Variants in CDH10 observed in about 807,000 individuals in gnomAD.
The protein encoded by CDH10 is cadherin 10.
A neutral mutation model predicts 73.1 loss-of-function variants in CDH10; 30 were observed. The ratio of observed to expected loss-of-function variants is 0.41; its 90% confidence interval spans 0.31 to 0.56. CDH10 has a LOEUF of 0.56. Ranked by LOEUF, CDH10 falls within the 20% of genes least tolerant of loss-of-function variation. CDH10 has a pLI of 0.27. For missense variants in CDH10, 815 were observed against 973.7 expected, an observed-to-expected ratio of 0.84 and a Z score of 2.17; for synonymous variants, 345 against 348.2, an observed-to-expected ratio of 0.99 and a Z score of 0.10.
At chr5:24,547,400 A>T (rs1196946172) in intron 2 of CDH10, among the ~76,000 whole-genome samples, 4 of 152,230 alleles carry the variant, frequency 2.6e-5, no homozygotes, top group Non-Finnish European at 5.9e-5. Flanking sequence ...GATTACTGGC[A>T]GCTGCTTTTT....
At chr5:24,516,789 T>C (rs1478441802) in intron 5 of CDH10, among the ~76,000 whole-genome samples, 2 of 151,804 alleles carry the variant, frequency 1.3e-5, no homozygotes, top group African/African-American at 2.4e-5. Flanking sequence ...GTTCATCTTA[T>C]ATTTTTTGCG....
chr5:24,505,380 T>C (rs1202260314), intron 7 of CDH10, 132 bp from the exon 8 acceptor site: 10 of 732,148 alleles, frequency 1.4e-5, no homozygotes, highest in Non-Finnish European at 1.6e-5. Flanking sequence ...GGAATGTAGA[T>C]TGTTTGAATG....
At chr5:24,530,396 T>C (rs1019579901) in intron 5 of CDH10, among the ~76,000 whole-genome samples, 1 of 152,058 alleles carries the variant, frequency 6.6e-6, no homozygotes, top group Non-Finnish European at 1.5e-5. Flanking sequence ...ATGTAATCTT[T>C]TCATAGACCT....
At chr5:24,623,291 C>T (rs1172412875) in intron 1 of CDH10, among the ~76,000 whole-genome samples, 3 of 152,094 alleles carry the variant, frequency 2.0e-5, no homozygotes, top group Admixed American at 1.3e-4. Context: ...ACAATGCTAA[C>T]GACCACTTGA....
intron 1 of CDH10, among the ~76,000 whole-genome samples, chr5:24,600,713 G>T (rs1169856598): frequency 6.6e-6 from 1 of 152,126 alleles, no homozygotes; most frequent in Non-Finnish European, 1.5e-5. Context: ...TGCGTTTCAT[G>T]AATTGACATA....
At chr5:24,613,592 T>C (rs1259275437) in intron 1 of CDH10, among the ~76,000 whole-genome samples, 2 of 150,828 alleles carry the variant, frequency 1.3e-5, no homozygotes, top group Non-Finnish European at 2.9e-5. Context: ...TCCTTGGAAG[T>C]ATTTGGGGCA....
At chr5:24,502,318 T>C (rs189826906) in intron 8 of CDH10, among the ~76,000 whole-genome samples, 2 of 152,304 alleles carry the variant, frequency 1.3e-5, no homozygotes, top group East Asian at 3.9e-4. Context: ...GCCTGCCATA[T>C]GATGTGATAT....
intron 2 of CDH10, among the ~76,000 whole-genome samples, chr5:24,577,831 C>T (rs11748607): frequency 0.38 from 58,208 of 151,884 alleles, 13,560 homozygotes; most frequent in East Asian, 0.54. Context: ...TTTACTGGGC[C>T]CCACACAAAT....
At chr5:24,582,230 T>A (rs1745829122) in intron 2 of CDH10, among the ~76,000 whole-genome samples, 1 of 152,192 alleles carries the variant, frequency 6.6e-6, no homozygotes, top group African/African-American at 2.4e-5. Flanking sequence ...AACATATCCA[T>A]TGATATGTGA....
chr5:24,509,860 T>G, intron 6 of CDH10, 41 bp from the exon 7 acceptor site: 41 of 1,440,684 alleles, frequency 2.8e-5, no homozygotes, highest in Middle Eastern at 2.3e-4. Context: ...GTGAGGGAAA[T>G]TGGATGATAT....
intron 2 of CDH10, among the ~76,000 whole-genome samples, chr5:24,577,534 C>T (rs1007809464): frequency 7.9e-5 from 12 of 152,164 alleles, no homozygotes; most frequent in African/African-American, 1.2e-4. Context: ...ATTAGATAAA[C>T]CAACTGATCT....
intron 1 of CDH10, among the ~76,000 whole-genome samples, chr5:24,602,187 T>C (rs1746588308): frequency 6.6e-6 from 1 of 152,146 alleles, no homozygotes; most frequent in Non-Finnish European, 1.5e-5. Context: ...TTAAAGGCAG[T>C]GAAATTTGTA....
At chr5:24,632,367 GAA>G (rs1261223399) in intron 1 of CDH10, among the ~76,000 whole-genome samples, 31 of 151,904 alleles carry the variant, frequency 2.0e-4, no homozygotes, top group African/African-American at 7.2e-4. Flanking sequence ...TTTCCCCTTT[GAA>G]GTTGAAATAA....
At position 24,487,599 on chromosome 5, in the gene CDH10, T is replaced by C; in HGVS notation, c.*64A>G. On this transcript the variant is annotated 3_prime_UTR_variant, in exon 12 of 12. Coordinates refer to ENST00000264463, the MANE Select transcript of CDH10 (RefSeq NM_006727.5). ...GAAAATGCTCCTGAATATCAAATAT[T>C]GTGAAGTGGAGACAGCATGGGTAGA... 1 of 1,472,198 alleles carries C rather than the reference T, an allele frequency of 6.8e-7. No individual in the cohort carries two copies. Among genetic ancestry groups the C allele is most frequent in the Admixed American group, 2.2e-5 (1 of 45,422 alleles). The allele number at this position is 1,472,198 out of a possible 1,614,324, so 91.2% of individuals were successfully genotyped here.
intron 2 of CDH10, among the ~76,000 whole-genome samples, chr5:24,549,045 G>A (rs1744449798): frequency 6.6e-6 from 1 of 152,138 alleles, no homozygotes; most frequent in Non-Finnish European, 1.5e-5. Context: ...TAAATCAACA[G>A]AGAGGTTTTA....
chr5:24,533,335 T>C (rs1412795437), intron 5 of CDH10, among the ~76,000 whole-genome samples: 1 of 151,440 alleles, frequency 6.6e-6, no homozygotes, highest in Non-Finnish European at 1.5e-5. Context: ...TCAAAAATAA[T>C]AATAATAATA....
intron 5 of CDH10, among the ~76,000 whole-genome samples, chr5:24,531,144 C>T (rs1426127385): frequency 6.6e-6 from 1 of 152,024 alleles, no homozygotes; most frequent in African/African-American, 2.4e-5. Flanking sequence ...TAGATCCACT[C>T]TATATTGCAG....
At chr5:24,533,766 T>G (rs1339880429) in intron 5 of CDH10, among the ~76,000 whole-genome samples, 2 of 152,066 alleles carry the variant, frequency 1.3e-5, no homozygotes, top group African/African-American at 4.8e-5. Flanking sequence ...GGATTATTAT[T>G]GGTTTTATTT....
In CDH10 at chr5:24,604,895, ACAAAAACAAAC is replaced by A. The variant is rs1379967417; in HGVS notation, c.-123-11293_-123-11283del. Among the ~76,000 whole-genome samples the A allele has an allele frequency of 3.4e-3, 493 of 144,942 alleles. 2 individuals are homozygous for A. Among genetic ancestry groups the A allele is most frequent in the African/African-American group, 0.013 (470 of 35,958 alleles). ...CTAAAAAAAAAAAAAAAAAAAAAAA[ACAAAAACAAAC>A]AAACAAACAAAAGAAAGTCAAAAAC... On this transcript the variant is annotated intron_variant, in intron 1 of 11. Coordinates refer to ENST00000264463, the MANE Select transcript of CDH10 (RefSeq NM_006727.5).
Sources: allele counts gnomAD v4.1 joint callset (sites outside exome capture counted in the v4.1 genomes callset), GRCh38; gene constraint gnomAD v4.1.1; transcripts MANE v1.5; gene names NCBI Gene and HGNC (gene_info 2026-07-23, HGNC 2026-07-21).